The following EPHA3 variants were observed in gnomAD, a reference collection of about 807,000 sequenced individuals.
The protein encoded by EPHA3 is EPH receptor A3, also known as ephrin type-A receptor 3.
Under a neutral mutation model 107.1 loss-of-function variants are expected in EPHA3, and 42 were observed. That is an observed-to-expected ratio of 0.39 (90% confidence interval 0.31 to 0.51). The LOEUF (loss-of-function observed/expected upper bound fraction) is 0.51, where lower values mean the gene tolerates loss of function less well. Among genes scored for constraint, EPHA3 ranks in the 20% least tolerant of loss-of-function variants. The probability of loss-of-function intolerance (pLI) is 0.78; values close to 1 mark genes in which losing one functional copy is unlikely to be tolerated. For synonymous variants in EPHA3, 461 were observed against 424.8 expected, an observed-to-expected ratio of 1.09 and a Z score of -1.05; for missense variants, 1,183 against 1,211.2, an observed-to-expected ratio of 0.98 and a Z score of 0.35.
chr3:89,170,116 T>C (rs867898294), intron 2 of EPHA3, among the ~76,000 whole-genome samples: 6 of 151,896 alleles, frequency 4.0e-5, no homozygotes, highest in South Asian at 4.2e-4. Flanking sequence ...CCGGGCGTGG[T>C]GGTGGGCGCC....
At chr3:89,192,242 T>A (rs551952586) in intron 2 of EPHA3, among the ~76,000 whole-genome samples, 1 of 152,142 alleles carries the variant, frequency 6.6e-6, no homozygotes, top group Non-Finnish European at 1.5e-5. Flanking sequence ...TATAATATTT[T>A]GTTCTAGAAA....
intron 3 of EPHA3, among the ~76,000 whole-genome samples, chr3:89,278,115 A>G (rs1402459306): frequency 6.6e-6 from 1 of 152,198 alleles, no homozygotes; most frequent in Non-Finnish European, 1.5e-5. Context: ...TTTAAAATAG[A>G]GTCAAAATAC....
intron 2 of EPHA3, among the ~76,000 whole-genome samples, chr3:89,187,361 A>T (rs1476584613): frequency 6.7e-6 from 1 of 148,710 alleles, no homozygotes; most frequent in Non-Finnish European, 1.5e-5. Context: ...ATACATTATA[A>T]ATAAATGTAT....
chr3:89,230,717 C>T (rs761556255), intron 3 of EPHA3, among the ~76,000 whole-genome samples: 16 of 151,802 alleles, frequency 1.1e-4, no homozygotes, highest in Admixed American at 2.6e-4. Flanking sequence ...CTTTACTTCG[C>T]TTTATCTTCC....
chr3:89,479,352 C>G, intron 16 of EPHA3, 45 bp from the exon 17 acceptor site: 10 of 1,478,278 alleles, frequency 6.8e-6, no homozygotes, highest in Non-Finnish European at 9.4e-6. Flanking sequence ...CCTGCTTATA[C>G]ACTATCGAGG....
intron 5 of EPHA3, among the ~76,000 whole-genome samples, chr3:89,360,569 A>G (rs1420644105): frequency 1.3e-5 from 2 of 150,956 alleles, no homozygotes; most frequent in Non-Finnish European, 3.0e-5. Flanking sequence ...TCTATACAAC[A>G]TGCCTTCAAC....
At chr3:89,293,060 C>T (rs1309546666) in intron 3 of EPHA3, among the ~76,000 whole-genome samples, 1 of 151,972 alleles carries the variant, frequency 6.6e-6, no homozygotes, top group Non-Finnish European at 1.5e-5. Context: ...TAATGGTATC[C>T]CATTGTGGCT....
At chr3:89,357,198 C>G (rs549953915) in intron 5 of EPHA3, among the ~76,000 whole-genome samples, 2 of 140,076 alleles carry the variant, frequency 1.4e-5, no homozygotes, top group South Asian at 4.5e-4. Flanking sequence ...CGGGAAGAAA[C>G]CAGGTGGCAA....
At chr3:89,476,009 C>A (rs1710497347) in intron 16 of EPHA3, among the ~76,000 whole-genome samples, 1 of 151,408 alleles carries the variant, frequency 6.6e-6, no homozygotes, top group African/African-American at 2.4e-5. Context: ...AAGGAATAAC[C>A]CAAATGGATA....
chr3:89,218,128 G>A (rs2107198753), intron 3 of EPHA3, among the ~76,000 whole-genome samples: 1 of 151,772 alleles, frequency 6.6e-6, no homozygotes, highest in African/African-American at 2.4e-5. Context: ...AAAGCATCTT[G>A]GATTTTATTA....
In EPHA3 at chr3:89,113,470, C is replaced by T. The variant is rs116305944; in HGVS notation, c.88+5634C>T. On this transcript the variant is annotated intron_variant, in intron 1 of 16. Transcript: ENST00000336596. ...TCAGCAAGTTTTAGTTTGCCTCCTA[C>T]CAGCTTCCTTTGTACAAAAAAAAAA... Among the ~76,000 whole-genome samples, 789 of 91,452 alleles carry T rather than the reference C, an allele frequency of 8.6e-3. 12 individuals carry two copies. The highest frequency in any genetic ancestry group is 0.03 in the African/African-American group (743 of 24,732). 60.0% of individuals were successfully genotyped at this position (91,452 alleles called of 152,430 possible). A position where few individuals can be genotyped will look rare whatever the true frequency, so the allele number is the denominator to read the frequency against.
chr3:89,361,768 T>C (rs1267876880), intron 5 of EPHA3, among the ~76,000 whole-genome samples: 1 of 151,038 alleles, frequency 6.6e-6, no homozygotes, highest in African/African-American at 2.4e-5. Flanking sequence ...GGAGAGGTGA[T>C]AATAACTTGA....
Position 89,182,089 on chromosome 3 carries a change from A to G in EPHA3, c.154-27771A>G, listed in dbSNP as rs1324920971. Among the ~76,000 whole-genome samples the G allele has an allele frequency of 2.7e-5, 4 of 148,154 alleles. No individual in the cohort carries two copies. In the East Asian group the frequency reaches 7.9e-4, roughly 29 times the overall value. ...ACCATACTATCATAAATTTTCCTTT[A>G]TTTTTCCCCTTTATCCTTCTCTTCT... is the stretch of plus-strand genomic sequence containing the variant. On this transcript the variant is annotated intron_variant, in intron 2 of 16. Coordinates refer to ENST00000336596, the MANE Select transcript of EPHA3 (RefSeq NM_005233.6).
At chr3:89,185,142 G>A (rs919059572) in intron 2 of EPHA3, among the ~76,000 whole-genome samples, 2 of 152,002 alleles carry the variant, frequency 1.3e-5, no homozygotes, top group East Asian at 1.9e-4. Context: ...ACATTATGTT[G>A]TTTCCTGTAT....
intron 11 of EPHA3, among the ~76,000 whole-genome samples, chr3:89,420,403 C>A (rs1174137286): frequency 6.6e-6 from 1 of 151,318 alleles, no homozygotes; most frequent in African/African-American, 2.4e-5. Context: ...TTGAAATAGA[C>A]TTTGATTTCC....
At chr3:89,265,842 T>C (rs529551663) in intron 3 of EPHA3, among the ~76,000 whole-genome samples, 3 of 152,256 alleles carry the variant, frequency 2.0e-5, no homozygotes, top group African/African-American at 7.2e-5. Flanking sequence ...TTGTACCCTC[T>C]TCCTCCATGT....
At chr3:89,453,788 G>A (rs1576386898) in intron 15 of EPHA3, among the ~76,000 whole-genome samples, 1 of 152,052 alleles carries the variant, frequency 6.6e-6, no homozygotes, top group Admixed American at 6.6e-5. Context: ...CTTGCCAAAT[G>A]CTTTATTGAG....
chr3:89,267,269 C>T (rs977391536), intron 3 of EPHA3, among the ~76,000 whole-genome samples: 19 of 151,928 alleles, frequency 1.3e-4, no homozygotes, highest in Admixed American at 9.2e-4. Context: ...TTTAAGATGG[C>T]GGACATCCTT....
At chr3:89,189,333 G>A (rs1331879436) in intron 2 of EPHA3, among the ~76,000 whole-genome samples, 5 of 151,900 alleles carry the variant, frequency 3.3e-5, no homozygotes, top group Non-Finnish European at 2.9e-5. Flanking sequence ...GGTGGCTCAC[G>A]TCTGTAATCC....
Sources: gnomAD v4.1 joint callset for allele counts (sites outside exome capture counted in the v4.1 genomes callset) on GRCh38, gnomAD v4.1.1 for gene constraint, MANE v1.5 for transcripts, NCBI Gene and HGNC (gene_info 2026-07-23, HGNC 2026-07-21) for gene names.